The following LRP4 variants were observed in gnomAD, a reference collection of about 807,000 sequenced individuals.
The protein encoded by LRP4 is low-density lipoprotein receptor-related protein 4.
In LRP4, 95 loss-of-function variants were observed where a neutral mutation model predicts 220.3. The ratio of observed to expected loss-of-function variants is 0.43; its 90% CI spans 0.37 to 0.51. The LOEUF (loss-of-function observed/expected upper bound fraction) is 0.51. Among genes scored for constraint, LRP4 ranks in the 20% least tolerant of loss-of-function variants. LRP4 has a pLI of 0.00. For synonymous variants in LRP4, 903 were observed against 954.6 expected, an observed-to-expected ratio of 0.95 and a Z score of 1.00; for missense variants, 1,925 against 2,567.0, an observed-to-expected ratio of 0.75 and a Z score of 5.40.
chr11:46,889,628 T>G, intron 15 of LRP4, 95 bp from the exon 16 acceptor site: 1 of 1,525,400 alleles, frequency 6.6e-7, no homozygotes, highest in Non-Finnish European at 9.0e-7. Flanking sequence ...GATAGTTCCC[T>G]GAAGGGAGAA....
intron 20 of LRP4, among the ~76,000 whole-genome samples, chr11:46,881,376 G>A (rs1941155845): frequency 6.6e-6 from 1 of 152,110 alleles, no homozygotes; most frequent in Non-Finnish European, 1.5e-5. Flanking sequence ...TGAATCACAG[G>A]CCCACAGTGC....
intron 1 of LRP4, among the ~76,000 whole-genome samples, chr11:46,917,088 C>CT (rs1565810193): frequency 6.6e-6 from 1 of 152,238 alleles, no homozygotes; most frequent in Non-Finnish European, 1.5e-5. Flanking sequence ...CATGAAAACT[C>CT]TGTTTTGGAT....
rs758144252 is a variant in LRP4 at position 46,876,764 on chromosome 11, T to C, written c.3344A>G (p.His1115Arg). The change falls in exon 24 of 38, where the codon CAT becomes CGT. Residue 1115 changes from histidine (H) to arginine (R), a missense_variant. By Grantham distance (29) the His-to-Arg change is conservative. Transcript: ENST00000378623. Reference sequence around the variant, plus strand: ...CCCACCTGTGGTGATGATGTCCTCATGCTGTGAGCCATCCAGATTGGCACG... The same window carrying C: ...CCCACCTGTGGTGATGATGTCCTCACGCTGTGAGCCATCCAGATTGGCACG... ...ISRANLDGSQ[H>R]EDIITTGLQT... is the part of the protein sequence containing the mutation. 6.2e-6 allele frequency: 10 copies of C among 1,614,070 alleles called. No individual in the cohort carries two copies. In the African/African-American group the frequency reaches 1.2e-4, roughly 19 times the overall value.
chr11:46,859,604 T>A (rs1415090837), intron 37 of LRP4, among the ~76,000 whole-genome samples: 1 of 152,150 alleles, frequency 6.6e-6, no homozygotes, highest in African/African-American at 2.4e-5. Context: ...TATTTCACAT[T>A]TCTAAAACTC....
At chr11:46,912,968 A>C (rs1475381378) in intron 1 of LRP4, among the ~76,000 whole-genome samples, 1 of 152,020 alleles carries the variant, frequency 6.6e-6, no homozygotes, top group African/African-American at 2.4e-5. Flanking sequence ...TGCCGCTCTG[A>C]TCCTCAGCTG....
chr11:46,889,549 A>C lies in LRP4; in HGVS notation c.2093-16T>G. 1 of 1,613,048 alleles carries C rather than the reference A, an allele frequency of 6.2e-7. No homozygotes were observed. The highest frequency in any genetic ancestry group is 8.5e-7 in the Non-Finnish European group (1 of 1,180,016). On this transcript the variant is annotated splice_polypyrimidine_tract_variant and intron_variant, in intron 15 of 37. Coordinates refer to ENST00000378623, the MANE Select transcript of LRP4 (RefSeq NM_002334.4). ...CGGTTTTTCCCTGCTCAAAGAGCCC[A>C]GGGCAAGAGGATCAGCGAAGGTCTG...
At chr11:46,917,816 G>A (rs1272132079) in intron 1 of LRP4, among the ~76,000 whole-genome samples, 1 of 152,098 alleles carries the variant, frequency 6.6e-6, no homozygotes, top group Non-Finnish European at 1.5e-5. Flanking sequence ...TCCGGGAATC[G>A]TTCTCCGAGT....
chr11:46,883,073 T>A (rs1941199766), intron 19 of LRP4, among the ~76,000 whole-genome samples: 2 of 152,150 alleles, frequency 1.3e-5, no homozygotes, highest in African/African-American at 4.8e-5. Context: ...GAGAGTGAGA[T>A]CACAGAGAAT....
chr11:46,872,608 G>A (rs1450434784), intron 30 of LRP4, among the ~76,000 whole-genome samples: 2 of 152,096 alleles, frequency 1.3e-5, no homozygotes, highest in African/African-American at 2.4e-5. Flanking sequence ...GCTGGGCATG[G>A]TGGCATGTGC....
chr11:46,868,206 T>C, intron 33 of LRP4, 92 bp from the exon 34 acceptor site: 10 of 1,507,836 alleles, frequency 6.6e-6, no homozygotes, highest in African/African-American at 2.8e-5. Flanking sequence ...GACAAAACAA[T>C]CTTTTAGCTG....
At chr11:46,898,437 T>C in intron 7 of LRP4, 121 bp downstream of exon 7, 2 of 1,350,570 alleles carry the variant, frequency 1.5e-6, no homozygotes, top group Non-Finnish European at 2.1e-6. Context: ...CCACCCACCT[T>C]GGTCTCCCAA....
intron 8 of LRP4, 54 bp downstream of exon 8, chr11:46,896,815 C>T: frequency 6.2e-7 from 1 of 1,613,210 alleles, no homozygotes; most frequent in East Asian, 2.2e-5. Flanking sequence ...CTCTTTTCCA[C>T]CCTTCCACCC....
chr11:46,884,108 T>G (rs757552858), intron 18 of LRP4, 132 bp from the exon 19 acceptor site: 2 of 715,028 alleles, frequency 2.8e-6, no homozygotes, highest in South Asian at 3.0e-5. Context: ...TTGTGACAGA[T>G]GCACAACGGA....
At chr11:46,883,841 G>A (rs1181238046) in intron 19 of LRP4, 30 bp downstream of exon 19, 1 of 1,522,992 alleles carries the variant, frequency 6.6e-7, no homozygotes, top group Admixed American at 1.7e-5. Context: ...AGGGGTGGAT[G>A]GAGCTCATTC....
At chr11:46,865,243 C>A in intron 34 of LRP4, 57 bp from the exon 35 acceptor site, 3 of 1,306,254 alleles carry the variant, frequency 2.3e-6, no homozygotes, top group Non-Finnish European at 3.3e-6. Context: ...AAGGTCATGC[C>A]TTCCTCCAGG....
chr11:46,889,650 T>C (rs1247150811), intron 15 of LRP4, 117 bp from the exon 16 acceptor site: 3 of 1,403,248 alleles, frequency 2.1e-6, no homozygotes, highest in Non-Finnish European at 3.0e-6. Context: ...CTATGTCTTA[T>C]ATTTTTGACA....
In LRP4 at chr11:46,874,926, G is replaced by A; in HGVS notation, c.4103C>T (p.Ser1368Leu). The change falls in exon 28 of 38, where the codon TCA becomes TTA. Residue 1368 changes from serine to leucine, a missense_variant. Ser to Leu is a moderately radical substitution (Grantham distance 145, BLOSUM62 -2). This residue lies in a region of LRP4 where 1,244 missense variants were observed against 1,624.9 expected (regional missense o/e 0.77). Transcript: ENST00000378623. The part of the protein sequence containing the change: ...FSSRGSIRRI[S>L]LDTSDHTDVH... ...ATCGGTGTGGTCACTGGTGTCCAGT[G>A]AGATACGCCGGATGGAGCCACGGCT... is the stretch of plus-strand genomic sequence containing the variant. 1.2e-6 allele frequency: 2 copies of A among 1,614,226 alleles called. No homozygotes were observed. The highest frequency in any genetic ancestry group is 1.7e-6 in the Non-Finnish European group (2 of 1,180,038).
chr11:46,882,032 C>T, intron 19 of LRP4, 129 bp from the exon 20 acceptor site: 2 of 830,620 alleles, frequency 2.4e-6, no homozygotes, highest in Non-Finnish European at 4.1e-6. Context: ...GCATCAGTGT[C>T]CAGCCCAGCT....
rs1941985504 is a variant in LRP4 at position 46,918,373 on chromosome 11, G to T, written c.7C>A (p.Arg3=). 2.0e-6 allele frequency: 3 copies of T among 1,465,112 alleles called. No individual in the cohort carries two copies. The highest frequency in any genetic ancestry group is 2.6e-5 in the South Asian group (2 of 77,436). 90.8% of individuals were successfully genotyped at this position (1,465,112 alleles called of 1,614,324 possible). A position where few individuals can be genotyped will look rare whatever the true frequency, so the allele number is the denominator to read the frequency against. MR[R]QWGALLLGAL... is the part of the protein sequence containing the mutation. ...CCAAGCAGCAGCGCGCCCCACTGCC[G>T]CCTCATGGTGCCGCCCGCGCCGCTC... The change falls in exon 1 of 38, where the codon CGG becomes AGG. Residue 3 remains arginine (R), a synonymous_variant. Transcript: ENST00000378623. The surrounding 1 kb of genome is among the most constrained non-coding windows in gnomAD (Gnocchi z 6.0).
Sources: gnomAD v4.1 joint callset for allele counts (sites outside exome capture counted in the v4.1 genomes callset) on GRCh38, gnomAD v4.1.1 for gene constraint, gnomAD v4.1.1 regional missense constraint, Gnocchi (gnomAD v3.1) non-coding constraint, MANE v1.5 for transcripts, NCBI Gene and HGNC (gene_info 2026-07-23, HGNC 2026-07-21) for gene names.